Variants in CSF1R observed in about 807,000 individuals in gnomAD.
CSF1R encodes the protein colony stimulating factor 1 receptor, also known as macrophage colony-stimulating factor 1 receptor.
Under a neutral mutation model 110.0 loss-of-function variants are expected in CSF1R, and 40 were observed. The observed-to-expected ratio is 0.36, with a 90% confidence interval of 0.28 to 0.47. The LOEUF (loss-of-function observed/expected upper bound fraction) is 0.47, where lower values mean the gene tolerates loss of function less well. Among genes scored for constraint, CSF1R ranks in the 20% least tolerant of loss-of-function variants. The probability of loss-of-function intolerance (pLI) is 0.99; values close to 1 mark genes in which losing one functional copy is unlikely to be tolerated. For missense variants in CSF1R, 1,052 were observed against 1,253.0 expected (o/e 0.84, Z 2.42); for synonymous variants, 523 against 503.4 (o/e 1.04, Z -0.52).
intron 5 of CSF1R, 158 bp downstream of exon 5, chr5:150,077,118 C>T (rs751864062): frequency 1.8e-5 from 16 of 900,232 alleles, no homozygotes; most frequent in Non-Finnish European, 2.9e-5. Context: ...GGGAAAGCTC[C>T]TGGAGAGTGG....
Position 150,057,374 on chromosome 5 carries a change from C to T in CSF1R, c.2232G>A (p.Lys744=). The change falls in exon 16 of 21, where the codon AAG becomes AAA. Residue 744 remains lysine, a synonymous_variant. Coordinates refer to ENST00000675795, the MANE Select transcript of CSF1R (RefSeq NM_001288705.3). The part of the protein sequence containing the change: ...NDSFSEQDLD[K]EDGRPLELRD... ...GGAGCTCCAGGGGCCGTCCATCCTC[C>T]TTGTCCAGGTCTAGGGTGGGAAGAG... The T allele has an allele frequency of 2.5e-6, 4 of 1,614,056 alleles. No individual in the cohort carries two copies. Among genetic ancestry groups the T allele is most frequent in the Non-Finnish European group, 2.5e-6 (3 of 1,179,956 alleles).
At position 150,078,183 on chromosome 5, in the gene CSF1R, C is replaced by T. The variant is rs757109045; in HGVS notation, c.658G>A (p.Ala220Thr). 13 of 1,614,152 alleles carry T rather than the reference C, an allele frequency of 8.1e-6. No homozygotes were observed. The South Asian group carries it at 1.4e-4, about 18-fold the overall frequency. ...CTGCTGGCTGAGCACACGATCTGGG[C>T]AGCCTCCCCTCGAATCCGCACCAGC... ...AELVRIRGEA[A>T]QIVCSASSVD... Residue 220 changes from alanine (A) to threonine (T), a missense_variant, in exon 4 of 21, where the codon GCC becomes ACC. Coordinates refer to ENST00000675795, the MANE Select transcript of CSF1R (RefSeq NM_001288705.3).
In CSF1R at chr5:150,056,140, G is replaced by A. The variant is rs1757205127; in HGVS notation, c.2443-3C>T. 6.2e-7 allele frequency: 1 copy of A among 1,614,214 alleles called. No individual in the cohort carries two copies. The highest frequency in any genetic ancestry group is 8.5e-7 in the Non-Finnish European group (1 of 1,180,030). Reference sequence around the variant, plus strand: ...ATCCACTTCACAGGCAGGCGGGCCTGGGATGACAGTCCCCAGTTATTTTGG... The same window carrying A: ...ATCCACTTCACAGGCAGGCGGGCCTAGGATGACAGTCCCCAGTTATTTTGG... On this transcript the variant is annotated splice_region_variant and splice_polypyrimidine_tract_variant and intron_variant, in intron 17 of 20. Coordinates refer to ENST00000675795, the MANE Select transcript of CSF1R (RefSeq NM_001288705.3).
At chr5:150,105,363 A>AT (rs1438004087) in intron 1 of CSF1R, among the ~76,000 whole-genome samples, 2,280 of 87,882 alleles carry the variant, frequency 0.026, 27 homozygotes, top group Admixed American at 0.055. Flanking sequence ...AAAAAAAAAA[A>AT]ATATATATAT....
intron 1 of CSF1R, among the ~76,000 whole-genome samples, chr5:150,099,697 G>A (rs1051823530): frequency 1.3e-5 from 2 of 150,358 alleles, no homozygotes; most frequent in Non-Finnish European, 3.0e-5. Flanking sequence ...TAGATCATTG[G>A]CTGCCAGGGG....
rs1471920334 is a variant in CSF1R, at chr5:150,078,222, G to C, written c.619C>G (p.Leu207Val). 6 of 1,614,148 alleles carry C rather than the reference G, an allele frequency of 3.7e-6. No homozygotes were observed. Among genetic ancestry groups the C allele is most frequent in the Non-Finnish European group, 5.1e-6 (6 of 1,180,006 alleles). ...ATCCGCACCAGCTCTGCAGGCACCA[G>C]TGTCAAGGCTGGGGGCCCTGGGATG... Reference protein sequence around the residue: ...KVIPGPPALTLVPAELVRIRG... With the variant: ...KVIPGPPALTVVPAELVRIRG... Residue 207 changes from leucine (L) to valine (V), a missense_variant, in exon 4 of 21, where the codon CTG (leucine) becomes GTG (valine). This residue lies in a region of CSF1R where 693 missense variants were observed against 735.4 expected (regional missense o/e 0.94). Transcript: ENST00000675795.
Position 150,060,892 on chromosome 5 carries a change from C to T in CSF1R, c.1939G>A (p.Val647Ile), listed in dbSNP as rs771977143. The change falls in exon 13 of 21, where the codon GTC becomes ATC. Residue 647 changes from valine to isoleucine, a missense_variant. Val to Ile is a conservative substitution (Grantham distance 29, BLOSUM62 3). This residue lies in a region of CSF1R where 76 missense variants were observed against 133.6 expected (regional missense o/e 0.57). Coordinates refer to ENST00000675795, the MANE Select transcript of CSF1R (RefSeq NM_001288705.3). The stretch of plus-strand genomic sequence containing the variant: ...TGGGTACAGGCTCCCAGAAGGTTGA[C>T]GATGTTCTCGTGCTGGCCCAGGTGG... Reference protein sequence around the residue: ...MSHLGQHENIVNLLGACTHGG... With the variant: ...MSHLGQHENIINLLGACTHGG... 5 of 1,610,786 alleles carry T rather than the reference C, an allele frequency of 3.1e-6. No individual in the cohort carries two copies. The highest frequency in any genetic ancestry group is 1.7e-5 in the Admixed American group (1 of 59,688).
intron 1 of CSF1R, among the ~76,000 whole-genome samples, chr5:150,096,127 T>C (rs1229314017): frequency 6.6e-6 from 1 of 152,188 alleles, no homozygotes; most frequent in East Asian, 1.9e-4. Flanking sequence ...CAGTGGCTCA[T>C]GCCTGTAATC....
chr5:150,056,692 C>G (rs1757232890), intron 16 of CSF1R, among the ~76,000 whole-genome samples: 1 of 152,236 alleles, frequency 6.6e-6, no homozygotes, highest in Non-Finnish European at 1.5e-5. Context: ...CAGCTGCTAT[C>G]TGCCAGGCCC....
intron 2 of CSF1R, 65 bp from the exon 3 acceptor site, chr5:150,080,401 C>A: frequency 6.4e-7 from 1 of 1,558,676 alleles, no homozygotes; most frequent in Admixed American, 1.8e-5. Context: ...AGTACCTGGA[C>A]ATAGGTGACA....
At chr5:150,089,132 G>A (rs1758956293), upstream of CSF1R, among the ~76,000 whole-genome samples, 1 of 152,294 alleles carries the variant, frequency 6.6e-6, no homozygotes, top group Non-Finnish European at 1.5e-5. Context: ...GTAAAAGACT[G>A]AGAGCTGGTC....
chr5:150,088,690 T>A (rs1471535754), upstream of CSF1R, among the ~76,000 whole-genome samples: 1 of 152,062 alleles, frequency 6.6e-6, no homozygotes, highest in African/African-American at 2.4e-5. Flanking sequence ...TGCGCCACCA[T>A]GCCCAGCTAA....
intron 1 of CSF1R, among the ~76,000 whole-genome samples, chr5:150,101,378 G>C (rs979973942): frequency 6.6e-6 from 1 of 152,206 alleles, no homozygotes; most frequent in African/African-American, 2.4e-5. Context: ...CTGTAGATGA[G>C]AGAGAAATAC....
intron 5 of CSF1R, among the ~76,000 whole-genome samples, chr5:150,076,600 A>G (rs1000492429): frequency 1.3e-5 from 2 of 152,076 alleles, no homozygotes; most frequent in South Asian, 4.2e-4. Flanking sequence ...GTTAAGATGC[A>G]GTTATTCTTT....
intron 10 of CSF1R, among the ~76,000 whole-genome samples, chr5:150,063,549 C>T (rs998500242): frequency 6.6e-6 from 1 of 151,768 alleles, no homozygotes; most frequent in Admixed American, 6.6e-5. Flanking sequence ...AGAGACGCTG[C>T]CCACTAGATA....
At chr5:150,061,674 C>T in intron 11 of CSF1R, 49 bp downstream of exon 11, 1 of 1,614,220 alleles carries the variant, frequency 6.2e-7, no homozygotes, top group Non-Finnish European at 8.5e-7. Flanking sequence ...CCTGCAACCC[C>T]CACAGGCCCT....
chr5:150,056,257 C>T lies in CSF1R; in HGVS notation c.2404G>A (p.Asp802Asn). 1 of 1,614,170 alleles carries T rather than the reference C, an allele frequency of 6.2e-7. No homozygotes were observed. Among genetic ancestry groups the T allele is most frequent in the Non-Finnish European group, 8.5e-7 (1 of 1,180,032 alleles). The change falls in exon 17 of 21, where the codon GAC becomes AAC. Residue 802 changes from aspartate (D) to asparagine (N), a missense_variant. Coordinates refer to ENST00000675795, the MANE Select transcript of CSF1R (RefSeq NM_001288705.3). ...ATGTAGTTGGAGTCATTCATGATGT[C>T]CCTAGCCAGCCCGAAGTCCCCAATC... ...AKIGDFGLAR[D>N]IMNDSNYIVK...
chr5:150,068,946 G>A (rs917897979), intron 9 of CSF1R, among the ~76,000 whole-genome samples: 3 of 152,194 alleles, frequency 2.0e-5, no homozygotes, highest in African/African-American at 7.2e-5. Context: ...TGTGCCACTT[G>A]GGAGCTGTGT....
intron 1 of CSF1R, among the ~76,000 whole-genome samples, chr5:150,097,165 T>A (rs977009007): frequency 6.6e-6 from 1 of 152,074 alleles, no homozygotes; most frequent in Admixed American, 6.6e-5. Context: ...GGAAGGCTGA[T>A]CACTTGAGCT....
Sources: gnomAD v4.1 joint callset for allele counts (sites outside exome capture counted in the v4.1 genomes callset) on GRCh38, gnomAD v4.1.1 for gene constraint, gnomAD v4.1.1 regional missense constraint, MANE v1.5 for transcripts, NCBI Gene and HGNC (gene_info 2026-07-23, HGNC 2026-07-21) for gene names.